Variants in ASIC2 observed in about 807,000 individuals in gnomAD.
ASIC2 encodes the protein acid-sensing ion channel 2.
In ASIC2, 25 loss-of-function variants were observed where a neutral mutation model predicts 57.3. That is an observed-to-expected ratio of 0.44 (90% CI 0.32 to 0.61). ASIC2 has a LOEUF of 0.61. ASIC2 is among the 20% of genes least tolerant of loss of function. The pLI, the probability that ASIC2 is intolerant of heterozygous loss-of-function variation, is 0.06. For missense variants in ASIC2, 641 were observed against 738.1 expected, an observed-to-expected ratio of 0.87 and a Z score of 1.52; for synonymous variants, 319 against 307.5, an observed-to-expected ratio of 1.04 and a Z score of -0.39.
At chr17:33,018,835 G>A (rs1318895736) in intron 7 of ASIC2, among the ~76,000 whole-genome samples, 1 of 151,878 alleles carries the variant, frequency 6.6e-6, no homozygotes, top group African/African-American at 2.4e-5. Flanking sequence ...GGTTTGGGGG[G>A]CACAGTTGGG....
chr17:34,023,041 C>T (rs1442389413), intron 1 of ASIC2, among the ~76,000 whole-genome samples: 2 of 152,132 alleles, frequency 1.3e-5, no homozygotes, highest in Non-Finnish European at 2.9e-5. Context: ...TTCTGCCATG[C>T]TTGTAAGTTC....
intron 1 of ASIC2, among the ~76,000 whole-genome samples, chr17:33,917,954 C>T (rs555949552): frequency 7.3e-4 from 109 of 149,636 alleles, no homozygotes; most frequent in African/African-American, 2.2e-3. Flanking sequence ...TCCACACACA[C>T]GTGCATGTGC....
chr17:33,945,311 AT>A (rs56329459), intron 1 of ASIC2, among the ~76,000 whole-genome samples: 239 of 146,304 alleles, frequency 1.6e-3, no homozygotes, highest in South Asian at 2.4e-3. Flanking sequence ...GGGCTTGCCC[AT>A]TTTTTTTTTT....
chr17:34,014,752 A>G (rs972578858), intron 1 of ASIC2, among the ~76,000 whole-genome samples: 13 of 152,336 alleles, frequency 8.5e-5, no homozygotes, highest in African/African-American at 2.6e-4. Context: ...GGGGACATGG[A>G]TAGCTCCCCA....
intron 1 of ASIC2, chr17:34,037,233 T>C (rs528873515): frequency 1.8e-4 from 30 of 166,754 alleles, no homozygotes; most frequent in Admixed American, 1.5e-3. Context: ...ATACAGACAC[T>C]GGACTAGCCC....
At chr17:33,131,246 G>A (rs1294518709) in intron 1 of ASIC2, among the ~76,000 whole-genome samples, 1 of 152,120 alleles carries the variant, frequency 6.6e-6, no homozygotes, top group Admixed American at 6.5e-5. Context: ...GTGTCTGCAT[G>A]GCTTAAGCAG....
At chr17:33,332,119 A>G (rs1907337125) in intron 1 of ASIC2, among the ~76,000 whole-genome samples, 1 of 152,208 alleles carries the variant, frequency 6.6e-6, no homozygotes. Context: ...TGCCTAGTTG[A>G]CCAAGTGGTG....
intron 1 of ASIC2, among the ~76,000 whole-genome samples, chr17:33,720,129 C>T (rs1329774713): frequency 6.6e-6 from 1 of 152,202 alleles, no homozygotes; most frequent in Non-Finnish European, 1.5e-5. Flanking sequence ...ATCCTCCAAG[C>T]TCAGCCTCCC....
chr17:33,984,518 C>A (rs1023481863), intron 1 of ASIC2: 1 of 152,206 alleles, frequency 6.6e-6, no homozygotes, highest in Non-Finnish European at 1.5e-5. Context: ...ATTAAAGGCC[C>A]ATGGCACGTA....
intron 1 of ASIC2, among the ~76,000 whole-genome samples, chr17:33,889,237 C>T (rs146133489): frequency 3.9e-5 from 6 of 152,100 alleles, no homozygotes; most frequent in Non-Finnish European, 7.4e-5. Context: ...TCAACCCCCC[C>T]TCGTTTTTCA....
In ASIC2 at chr17:33,392,196, C is replaced by CTCCTTCCT. The variant is rs377322524; in HGVS notation, c.556-280137_556-280130dup. ...CTTCCTTCCTTCCTTCCTTCCTTCCCTCCTTCCTTCCTTCCTTCCTTCCTT... is the reference window on the plus strand; with the variant it reads ...CTTCCTTCCTTCCTTCCTTCCTTCCCTCCTTCCTTCCTTCCTTCCTTCCTTCCTTCCTT... On this transcript the variant is annotated intron_variant, in intron 1 of 9. Transcript: ENST00000359872. Among the ~76,000 whole-genome samples the CTCCTTCCT allele has an allele frequency of 6.3e-3, 239 of 37,812 alleles. 1 individual carries two copies. The highest frequency in any genetic ancestry group is 0.016 in the African/African-American group (149 of 9,504). 24.8% of individuals were successfully genotyped at this position (37,812 alleles called of 152,430 possible).
At chr17:34,086,518 G>T (rs990046898) in intron 1 of ASIC2, among the ~76,000 whole-genome samples, 6 of 152,136 alleles carry the variant, frequency 3.9e-5, no homozygotes, top group Admixed American at 2.6e-4. Context: ...ATATTCTGTT[G>T]ATTTGGGGTG....
At chr17:33,991,465 C>T (rs1905997820) in intron 1 of ASIC2, among the ~76,000 whole-genome samples, 1 of 152,168 alleles carries the variant, frequency 6.6e-6, no homozygotes, top group East Asian at 1.9e-4. Flanking sequence ...GCTACATGTG[C>T]ACATACAAAT....
chr17:34,140,165 A>G (rs951641522), intron 1 of ASIC2, among the ~76,000 whole-genome samples: 4 of 152,172 alleles, frequency 2.6e-5, no homozygotes, highest in African/African-American at 7.2e-5. Context: ...GAAGGAGAAG[A>G]GGGCATCCAA....
At position 33,434,701 on chromosome 17, in the gene ASIC2, C is replaced by T. The variant is rs370920360; in HGVS notation, c.556-322634G>A. Among the ~76,000 whole-genome samples, 4 of 152,284 alleles carry T rather than the reference C, an allele frequency of 2.6e-5. No homozygotes were observed. In the South Asian group the frequency reaches 8.3e-4, roughly 32 times the overall value. ...CTTGAGGGATTTACTAGAGAATAAG[C>T]TTCAGATAAGCAAAATAACCAAAGA... On this transcript the variant is annotated intron_variant, in intron 1 of 9. Transcript: ENST00000359872.
intron 1 of ASIC2, chr17:33,680,714 C>G (rs1301290097): frequency 1.3e-5 from 2 of 152,252 alleles, no homozygotes; most frequent in African/African-American, 4.8e-5. Context: ...CTCATCCCCA[C>G]CCCACCACAG....
intron 1 of ASIC2, among the ~76,000 whole-genome samples, chr17:33,765,414 C>G (rs957400853): frequency 6.6e-6 from 1 of 152,128 alleles, no homozygotes; most frequent in South Asian, 2.1e-4. Flanking sequence ...GGCGATGGAG[C>G]ATAATTGTAA....
intron 1 of ASIC2, among the ~76,000 whole-genome samples, chr17:33,888,163 C>G (rs1438030851): frequency 6.6e-6 from 1 of 152,166 alleles, no homozygotes; most frequent in Non-Finnish European, 1.5e-5. Flanking sequence ...TCTATACATA[C>G]ATGTAATGGT....
chr17:33,178,169 A>T (rs1045431434), intron 1 of ASIC2, among the ~76,000 whole-genome samples: 5 of 152,346 alleles, frequency 3.3e-5, no homozygotes, highest in Non-Finnish European at 7.3e-5. Flanking sequence ...ACCATAAAAA[A>T]GTTTGCAAGG....
Sources: allele counts gnomAD v4.1 joint callset (sites outside exome capture counted in the v4.1 genomes callset), GRCh38; gene constraint gnomAD v4.1.1; transcripts MANE v1.5; gene names NCBI Gene and HGNC (gene_info 2026-07-23, HGNC 2026-07-21).